Variants in RNF144A observed in about 807,000 individuals in gnomAD.
The protein encoded by RNF144A is E3 ubiquitin-protein ligase RNF144A.
A neutral mutation model predicts 38.7 loss-of-function variants in RNF144A; 11 were observed. The observed-to-expected ratio is 0.28, with a 90% confidence interval of 0.18 to 0.47. RNF144A has a LOEUF of 0.47. RNF144A is among the 20% of genes least tolerant of loss of function. The pLI is 0.99. For synonymous variants in RNF144A, 149 were observed against 143.9 expected (o/e 1.04, Z -0.25); for missense variants, 316 against 377.2 (o/e 0.84, Z 1.34).
At position 7,040,381 on chromosome 2, in the gene RNF144A, T is replaced by A; in HGVS notation, c.*621T>A. ...AGGAGATTTAGAAAGCCTTATGCACTCTTTGTGTTTTTCTTGAAACTTGCT... is the reference window on the plus strand; with the variant it reads ...AGGAGATTTAGAAAGCCTTATGCACACTTTGTGTTTTTCTTGAAACTTGCT... On this transcript the variant is annotated 3_prime_UTR_variant, in exon 9 of 9. Coordinates refer to ENST00000320892, the MANE Select transcript of RNF144A (RefSeq NM_014746.6). 1 of 985,444 alleles carries A rather than the reference T, an allele frequency of 1.0e-6. No individual in the cohort carries two copies. The highest frequency in any genetic ancestry group is 1.2e-6 in the Non-Finnish European group (1 of 829,918). 61.0% of individuals were successfully genotyped at this position (985,444 alleles called of 1,614,324 possible). A position where few individuals can be genotyped will look rare whatever the true frequency, so the allele number is the denominator to read the frequency against.
chr2:6,936,833 TCA>T (rs1249927029), intron 1 of RNF144A, among the ~76,000 whole-genome samples: 1 of 131,860 alleles, frequency 7.6e-6, no homozygotes, highest in East Asian at 2.1e-4. Context: ...TTTTTTCAAG[TCA>T]CACACAGTAG....
At chr2:7,008,853 G>A (rs1294624106) in intron 3 of RNF144A, among the ~76,000 whole-genome samples, 1 of 152,236 alleles carries the variant, frequency 6.6e-6, no homozygotes. Context: ...GTCCCTGCAT[G>A]CCACCCCACA....
At chr2:7,013,623 T>A (rs1409846535) in intron 3 of RNF144A, among the ~76,000 whole-genome samples, 1 of 152,242 alleles carries the variant, frequency 6.6e-6, no homozygotes, top group African/African-American at 2.4e-5. Context: ...TTTCTCTTGG[T>A]AGTGAGCCTA....
chr2:6,921,965 C>T (rs1351822747), intron 1 of RNF144A, among the ~76,000 whole-genome samples: 1 of 152,192 alleles, frequency 6.6e-6, no homozygotes, highest in Non-Finnish European at 1.5e-5. Flanking sequence ...GGCTGGTGGT[C>T]TCTGAGCTGT....
At chr2:6,986,787 G>A (rs1668990200) in intron 2 of RNF144A, among the ~76,000 whole-genome samples, 1 of 152,138 alleles carries the variant, frequency 6.6e-6, no homozygotes, top group Non-Finnish European at 1.5e-5. Context: ...ATAGAAGGAA[G>A]TGGGGTTGGG....
chr2:7,019,652 G>A lies in RNF144A; in HGVS notation c.302-821G>A, dbSNP rs148174303. ...GGGGTGGCCACTGATCGAGAATTCG[G>A]CATCATGCTGGACAAGAGGGAAGAT... On this transcript the variant is annotated intron_variant, in intron 5 of 8. Coordinates refer to ENST00000320892, the MANE Select transcript of RNF144A (RefSeq NM_014746.6). Among the ~76,000 whole-genome samples, 416 of 152,332 alleles carry A rather than the reference G, an allele frequency of 2.7e-3. 4 individuals are homozygous for A. Among genetic ancestry groups the A allele is most frequent in the African/African-American group, 9.8e-3 (406 of 41,570 alleles).
rs1430620449 is a variant in RNF144A at position 6,962,846 on chromosome 2, G to T, written c.-12+21699G>T. Among the ~76,000 whole-genome samples the T allele has an allele frequency of 1.3e-5, 2 of 152,180 alleles. No individual in the cohort carries two copies. Among genetic ancestry groups the T allele is most frequent in the Non-Finnish European group, 2.9e-5 (2 of 68,042 alleles). ...GTTAATGACTGGCCCAGCCTTGCTGGTCTCCATGGTTTATGCCATCATGAT... is the reference window on the plus strand; with the variant it reads ...GTTAATGACTGGCCCAGCCTTGCTGTTCTCCATGGTTTATGCCATCATGAT... On this transcript the variant is annotated intron_variant, in intron 2 of 8. Coordinates refer to ENST00000320892, the MANE Select transcript of RNF144A (RefSeq NM_014746.6). This position sits in a 1 kb window ranked among gnomAD's most constrained non-coding sequence, Gnocchi z 4.1.
chr2:7,052,653 C>T (rs983564481), intron 6 of RNF144A, among the ~76,000 whole-genome samples: 1 of 152,136 alleles, frequency 6.6e-6, no homozygotes, highest in Non-Finnish European at 1.5e-5. Context: ...TGCAGTCTGT[C>T]CCCAGTCCTG....
Position 6,943,205 on chromosome 2 carries a change from G to C in RNF144A, c.-12+2058G>C, listed in dbSNP as rs2103301386. 6.6e-6 allele frequency among the ~76,000 whole-genome samples: 1 copy of C among 152,342 alleles called. No homozygotes were observed. Among genetic ancestry groups the C allele is most frequent in the East Asian group, 1.9e-4 (1 of 5,176 alleles). ...AGTGAAAGAAGAGAGGAGTTGTAAG[G>C]ACTGGGCCCTGGGGCATTCTAGCTT... is the stretch of plus-strand genomic sequence containing the variant. On this transcript the variant is annotated intron_variant, in intron 2 of 8. Transcript: ENST00000320892. This position sits in a 1 kb window ranked among gnomAD's most constrained non-coding sequence, Gnocchi z 4.3.
chr2:7,072,766 C>T (rs1674528490), downstream of RNF144A, among the ~76,000 whole-genome samples: 1 of 152,206 alleles, frequency 6.6e-6, no homozygotes, highest in South Asian at 2.1e-4. Context: ...TGAATGAATG[C>T]ATGAACCAAC....
Position 7,040,348 on chromosome 2 carries a change from G to A in RNF144A, c.*588G>A, listed in dbSNP as rs189057556. The A allele has an allele frequency of 8.1e-6, 8 of 985,360 alleles. No individual in the cohort carries two copies. The highest frequency in any genetic ancestry group is 5.2e-5 in the African/African-American group (3 of 57,300). 61.0% of individuals were successfully genotyped at this position (985,360 alleles called of 1,614,324 possible). Reference sequence around the variant, plus strand: ...GCATTTTAAGAAGTTATAGTTAAACGACTTTTCAGGAGATTTAGAAAGCCT... The same window carrying A: ...GCATTTTAAGAAGTTATAGTTAAACAACTTTTCAGGAGATTTAGAAAGCCT... On this transcript the variant is annotated 3_prime_UTR_variant, in exon 9 of 9. Coordinates refer to ENST00000320892, the MANE Select transcript of RNF144A (RefSeq NM_014746.6).
intron 6 of RNF144A, among the ~76,000 whole-genome samples, chr2:7,051,607 G>A (rs955304406): frequency 6.6e-6 from 1 of 152,208 alleles, no homozygotes; most frequent in African/African-American, 2.4e-5. Flanking sequence ...AGACAGTTGA[G>A]GGCAGGCACA....
At chr2:6,979,361 C>T (rs183094453) in intron 2 of RNF144A, among the ~76,000 whole-genome samples, 3 of 152,174 alleles carry the variant, frequency 2.0e-5, no homozygotes, top group Admixed American at 6.5e-5. Context: ...GGCAGAGGTG[C>T]CTTCTGTGTG....
chr2:6,965,040 A>G (rs149870537), intron 2 of RNF144A, among the ~76,000 whole-genome samples: 1 of 152,278 alleles, frequency 6.6e-6, no homozygotes, highest in East Asian at 1.9e-4. Flanking sequence ...TAGGTATACA[A>G]GTAGGATTTC....
chr2:6,952,388 GA>G (rs1448474102), intron 2 of RNF144A, among the ~76,000 whole-genome samples: 1 of 45,170 alleles, frequency 2.2e-5, no homozygotes, highest in Non-Finnish European at 4.3e-5. Context: ...ATTGAAGAGG[GA>G]GGGTTTTTTT....
intron 2 of RNF144A, among the ~76,000 whole-genome samples, chr2:6,942,966 A>G (rs1666108918): frequency 6.6e-6 from 1 of 152,238 alleles, no homozygotes; most frequent in African/African-American, 2.4e-5. Context: ...CCTGGGTGAC[A>G]AAAGCGAGAC....
intron 6 of RNF144A, among the ~76,000 whole-genome samples, chr2:7,054,680 T>C (rs1418095700): frequency 6.6e-6 from 1 of 152,156 alleles, no homozygotes; most frequent in Non-Finnish European, 1.5e-5. Flanking sequence ...CTTCCGTCTT[T>C]TCCACCATGA....
intron 1 of RNF144A, among the ~76,000 whole-genome samples, chr2:6,925,048 G>C (rs766428290): frequency 1.3e-5 from 2 of 152,210 alleles, no homozygotes; most frequent in Non-Finnish European, 2.9e-5. Flanking sequence ...GCCACACGGC[G>C]AATTTTGATA....
At chr2:7,032,294 A>ATCCGCGCCCCTTGCAGCTCTGCTGGAT in intron 8 of RNF144A, among the ~76,000 whole-genome samples, 1 of 146,040 alleles carries the variant, frequency 6.8e-6, no homozygotes, top group African/African-American at 2.6e-5. Flanking sequence ...CTCTGCTGGA[A>ATCCGCGCCCCTTGCAGCTCTGCTGGAT]TCCGCGCCCC....
Sources: allele counts gnomAD v4.1 joint callset (sites outside exome capture counted in the v4.1 genomes callset), GRCh38; gene constraint gnomAD v4.1.1; non-coding constraint Gnocchi (gnomAD v3.1); transcripts MANE v1.5; gene names NCBI Gene and HGNC (gene_info 2026-07-23, HGNC 2026-07-21).